CENPP: variants seen among roughly 807,000 people sequenced by gnomAD.
CENPP encodes the protein centromere protein P.
CENPP carries 24 observed loss-of-function variants against 35.6 expected under a neutral mutation model. The ratio of observed to expected loss-of-function variants is 0.67; its 90% CI spans 0.49 to 0.95. The LOEUF is 0.95. Ranked by LOEUF, CENPP falls within the 40% of genes least tolerant of loss-of-function variation. CENPP has a pLI of 0.00. For missense variants in CENPP, 332 were observed against 345.3 expected (o/e 0.96, Z 0.31); for synonymous variants, 120 against 125.5 (o/e 0.96, Z 0.29).
chr9:92,434,749 A>T (rs898181709), intron 5 of CENPP, among the ~76,000 whole-genome samples: 132 of 152,274 alleles, frequency 8.7e-4, no homozygotes, highest in African/African-American at 3.1e-3. Context: ...TAATTTTTTA[A>T]AAAGTTTTCT....
At position 92,618,136 on chromosome 9, in the gene CENPP, G is replaced by A; in HGVS notation, c.*4987G>A. The A allele has an allele frequency of 2.3e-6, 1 of 425,572 alleles. No homozygotes were observed. The highest frequency in any genetic ancestry group is 1.6e-5 in the South Asian group (1 of 61,626). The allele number at this position is 425,572 out of a possible 1,614,324, so 26.4% of individuals were successfully genotyped here. A position where few individuals can be genotyped will look rare whatever the true frequency, so the allele number is the denominator to read the frequency against. ...GGCCACTGCGCACACCTTCCTGGAA[G>A]CAGGCCCAGCCCCACACGCCATGTT... On this transcript the variant is annotated 3_prime_UTR_variant, in exon 8 of 8. Coordinates refer to ENST00000375587, the MANE Select transcript of CENPP (RefSeq NM_001012267.3).
chr9:92,567,381 T>TATATATATATATATATATATATATAG, intron 5 of CENPP, among the ~76,000 whole-genome samples: 1 of 80,192 alleles, frequency 1.2e-5, no homozygotes, highest in East Asian at 6.0e-4. Context: ...TAGATATATA[T>TATATATATATATATATATATATATAG]ATATATATAT....
chr9:92,583,404 T>C (rs1435231769), intron 5 of CENPP, among the ~76,000 whole-genome samples: 1 of 152,230 alleles, frequency 6.6e-6, no homozygotes, highest in African/African-American at 2.4e-5. Flanking sequence ...TGTAACCTAG[T>C]GCAAGCTTTG....
At chr9:92,416,046 T>TA (rs1202073989) in intron 5 of CENPP, among the ~76,000 whole-genome samples, 1,724 of 100,284 alleles carry the variant, frequency 0.017, 23 homozygotes, top group South Asian at 0.054. Context: ...AATAAATATA[T>TA]TATATATGTG....
At chr9:92,326,159 G>C (rs2130763738) in intron 1 of CENPP, 54 bp downstream of exon 1, 2 of 1,219,132 alleles carry the variant, frequency 1.6e-6, no homozygotes, top group African/African-American at 3.1e-5. Flanking sequence ...TCCCGGGCCA[G>C]GCGGGTGAAT....
intron 5 of CENPP, among the ~76,000 whole-genome samples, chr9:92,552,084 T>C (rs901660240): frequency 1.4e-5 from 2 of 138,628 alleles, no homozygotes; most frequent in Admixed American, 7.1e-5. Context: ...ATCTATCATA[T>C]ATGTGATATG....
chr9:92,598,682 G>A (rs1422472581), intron 5 of CENPP, among the ~76,000 whole-genome samples: 2 of 150,868 alleles, frequency 1.3e-5, no homozygotes, highest in African/African-American at 4.9e-5. Context: ...GAGAAGCAAA[G>A]ATTACAAAGA....
chr9:92,341,382 T>C (rs1841112866), intron 3 of CENPP, among the ~76,000 whole-genome samples: 1 of 152,124 alleles, frequency 6.6e-6, no homozygotes, highest in African/African-American at 2.4e-5. Flanking sequence ...TCCCTCCCCT[T>C]TTGAAACTCC....
intron 4 of CENPP, among the ~76,000 whole-genome samples, chr9:92,368,818 C>T (rs559379692): frequency 1.3e-5 from 2 of 152,100 alleles, no homozygotes; most frequent in African/African-American, 4.8e-5. Context: ...ATGGGAGGAT[C>T]GCTTGAGCCC....
chr9:92,363,228 C>A (rs1841803836), intron 4 of CENPP, among the ~76,000 whole-genome samples: 1 of 42,280 alleles, frequency 2.4e-5, no homozygotes, highest in Non-Finnish European at 4.8e-5. Context: ...TGTATTTATA[C>A]ATATATACAC....
At chr9:92,419,194 A>G (rs1843709777) in intron 5 of CENPP, among the ~76,000 whole-genome samples, 1 of 151,856 alleles carries the variant, frequency 6.6e-6, no homozygotes, top group Non-Finnish European at 1.5e-5. Flanking sequence ...CCTATATTTC[A>G]TTTCTGTCAC....
chr9:92,398,984 C>T (rs1843000389), intron 5 of CENPP, among the ~76,000 whole-genome samples: 1 of 151,834 alleles, frequency 6.6e-6, no homozygotes, highest in Admixed American at 6.6e-5. Flanking sequence ...TTGCTTGAGC[C>T]CAAATGGCGG....
rs550968357 is a variant in CENPP, at chr9:92,568,306, A to G, written c.565-43008A>G. On this transcript the variant is annotated intron_variant, in intron 5 of 7. Coordinates refer to ENST00000375587, the MANE Select transcript of CENPP (RefSeq NM_001012267.3). The stretch of plus-strand genomic sequence containing the variant: ...TGTGTCCAAGTATTCTCATTGTTCA[A>G]TTCCCACCTATGAGTGAGAACATGC... Among the ~76,000 whole-genome samples, 46 of 152,140 alleles carry G rather than the reference A, an allele frequency of 3.0e-4. 1 individual carries two copies. The South Asian group carries it at 6.8e-3, about 23-fold the overall frequency.
At chr9:92,403,725 G>GC in intron 5 of CENPP, 1 of 751,254 alleles carries the variant, frequency 1.3e-6, no homozygotes, top group Non-Finnish European at 1.6e-6. Flanking sequence ...AGTGCCTTCA[G>GC]CAGACATACT....
chr9:92,387,053 GAAAA>G (rs903436031), intron 5 of CENPP, among the ~76,000 whole-genome samples: 1 of 50,176 alleles, frequency 2.0e-5, no homozygotes, highest in Non-Finnish European at 3.7e-5. Context: ...GTCTCAAAAA[GAAAA>G]AAAAAAAAAA....
chr9:92,403,274 T>C (rs772194179), intron 5 of CENPP: 1 of 1,603,612 alleles, frequency 6.2e-7, no homozygotes, highest in Admixed American at 1.7e-5. Context: ...CTCATAATCT[T>C]GGCTAAATAT....
At chr9:92,575,640 C>T (rs890532138) in intron 5 of CENPP, among the ~76,000 whole-genome samples, 25 of 152,060 alleles carry the variant, frequency 1.6e-4, no homozygotes, top group Admixed American at 8.5e-4. Flanking sequence ...GGTGAAACCC[C>T]GTGTCTACTG....
Position 92,414,033 on chromosome 9 carries a change from T to G in CENPP, c.564+34174T>G, listed in dbSNP as rs995619150. ...TGGTATTTGTCCCTTATCTGAGAAA[T>G]TCTATGAAACATTAGCATGGTATAT... On this transcript the variant is annotated intron_variant, in intron 5 of 7. Transcript: ENST00000375587. Among the ~76,000 whole-genome samples, 6 of 152,316 alleles carry G rather than the reference T, an allele frequency of 3.9e-5. No homozygotes were observed. The East Asian group carries it at 1.2e-3, about 29-fold the overall frequency.
At chr9:92,358,952 C>CTTTTTTTTTT (rs547707825) in intron 4 of CENPP, among the ~76,000 whole-genome samples, 1 of 122,380 alleles carries the variant, frequency 8.2e-6, no homozygotes, top group Non-Finnish European at 1.7e-5. Flanking sequence ...TTCTTTCTTT[C>CTTTTTTTTTT]TTTTTTTTTT....
Sources: gnomAD v4.1 joint callset for allele counts (sites outside exome capture counted in the v4.1 genomes callset) on GRCh38, gnomAD v4.1.1 for gene constraint, MANE v1.5 for transcripts, NCBI Gene and HGNC (gene_info 2026-07-23, HGNC 2026-07-21) for gene names.